The following ZNF423 variants were observed in gnomAD, a reference collection of about 807,000 sequenced individuals.
ZNF423 encodes the protein zinc finger protein 423, also known as Ebf-associated zinc finger protein.
A neutral mutation model predicts 95.8 loss-of-function variants in ZNF423; 12 were observed. That is an observed-to-expected ratio of 0.13 (90% CI 0.08 to 0.20). The LOEUF (loss-of-function observed/expected upper bound fraction) is 0.20. ZNF423 is among the 10% of genes least tolerant of loss of function. ZNF423 has a pLI of 1.00. For missense variants in ZNF423, 1,316 were observed against 1,737.1 expected (o/e 0.76, Z 4.31); for synonymous variants, 749 against 711.9 (o/e 1.05, Z -0.83).
rs1195898874 is a variant in ZNF423, at chr16:49,492,896, A to T, written c.3850-1592T>A. Among the ~76,000 whole-genome samples the T allele has an allele frequency of 6.6e-6, 1 of 152,114 alleles. No homozygotes were observed. The highest frequency in any genetic ancestry group is 1.5e-5 in the Non-Finnish European group (1 of 68,004). ...GAACCAGATGGCTGGAATCCACTAG[A>T]GCAAGGGGATTTTCAGGGGAGCCAG... On this transcript the variant is annotated intron_variant, in intron 7 of 7. Coordinates refer to ENST00000563137, the MANE Select transcript of ZNF423 (RefSeq NM_001379286.1). This position sits in a 1 kb window ranked among gnomAD's most constrained non-coding sequence, Gnocchi z 4.2.
chr16:49,798,139 G>A (rs904087072), intron 1 of ZNF423, among the ~76,000 whole-genome samples: 2 of 152,214 alleles, frequency 1.3e-5, no homozygotes, highest in Non-Finnish European at 2.9e-5. Flanking sequence ...GAGCCCAGGA[G>A]TTCGAGGCTG....
intron 1 of ZNF423, among the ~76,000 whole-genome samples, chr16:49,842,558 G>A (rs118187274): frequency 0.063 from 9,586 of 152,004 alleles, 379 homozygotes; most frequent in Middle Eastern, 0.14. Flanking sequence ...ACCAGCCTAG[G>A]CAACATAGCA....
At chr16:49,493,913 C>A (rs1967063247) in intron 7 of ZNF423, among the ~76,000 whole-genome samples, 2 of 152,188 alleles carry the variant, frequency 1.3e-5, no homozygotes, top group African/African-American at 4.8e-5. Context: ...TGAGTACCAA[C>A]AAACATGGAC....
intron 1 of ZNF423, among the ~76,000 whole-genome samples, chr16:49,817,523 C>G (rs535225686): frequency 6.6e-6 from 1 of 152,124 alleles, no homozygotes; most frequent in Non-Finnish European, 1.5e-5. Context: ...AGAGCAGCAA[C>G]AGGAACACAG....
intron 2 of ZNF423, among the ~76,000 whole-genome samples, chr16:49,771,298 G>A (rs868353232): frequency 1.4e-5 from 2 of 146,020 alleles, no homozygotes; most frequent in Non-Finnish European, 3.0e-5. Flanking sequence ...CACCTCTCAG[G>A]TTCAAGTAAT....
intron 2 of ZNF423, among the ~76,000 whole-genome samples, chr16:49,776,943 G>C (rs1009215576): frequency 6.6e-6 from 1 of 152,228 alleles, no homozygotes; most frequent in Admixed American, 6.5e-5. Context: ...TCATTTGCAT[G>C]CCTGGGTGTG....
At chr16:49,675,299 T>G (rs916427601) in intron 3 of ZNF423, among the ~76,000 whole-genome samples, 55 of 152,172 alleles carry the variant, frequency 3.6e-4, no homozygotes, top group African/African-American at 1.2e-3. Context: ...GCATGGCTCA[T>G]GGGTCTGAAG....
At chr16:49,838,419 T>G (rs1333916788) in intron 1 of ZNF423, among the ~76,000 whole-genome samples, 1 of 152,208 alleles carries the variant, frequency 6.6e-6, no homozygotes, top group Non-Finnish European at 1.5e-5. Flanking sequence ...CAACGAGTGT[T>G]AAGTGCTCAG....
At chr16:49,593,480 C>T (rs1380403196) in intron 5 of ZNF423, among the ~76,000 whole-genome samples, 1 of 150,844 alleles carries the variant, frequency 6.6e-6, no homozygotes, top group Non-Finnish European at 1.5e-5. Context: ...CACTCTTGTC[C>T]CTTAGAGGTC....
At chr16:49,502,982 C>A (rs367839736) in intron 7 of ZNF423, among the ~76,000 whole-genome samples, 1 of 150,912 alleles carries the variant, frequency 6.6e-6, no homozygotes, top group Non-Finnish European at 1.5e-5. Flanking sequence ...CACACACACA[C>A]GGATACCCCA....
chr16:49,811,802 C>A (rs977316738), intron 1 of ZNF423, among the ~76,000 whole-genome samples: 1 of 151,726 alleles, frequency 6.6e-6, no homozygotes, highest in Non-Finnish European at 1.5e-5. Flanking sequence ...CCCGCCTGAC[C>A]GCCCGCCTCA....
chr16:49,745,307 A>G (rs1328405399), intron 2 of ZNF423, among the ~76,000 whole-genome samples: 1 of 152,222 alleles, frequency 6.6e-6, no homozygotes, highest in Non-Finnish European at 1.5e-5. Context: ...TTATGTTACT[A>G]AAGTGCGAAA....
chr16:49,650,822 C>T (rs923025465), intron 3 of ZNF423, among the ~76,000 whole-genome samples: 1 of 152,208 alleles, frequency 6.6e-6, no homozygotes. Flanking sequence ...CAACCCAGGG[C>T]TCTTAGCCAG....
rs1286932799 is a variant in ZNF423 at position 49,489,737 on chromosome 16, A to C, written c.*1538T>G. 2 of 152,212 alleles carry C rather than the reference A, an allele frequency of 1.3e-5. No homozygotes were observed. Among genetic ancestry groups the C allele is most frequent in the East Asian group, 3.9e-4 (2 of 5,188 alleles). The allele number at this position is 152,212 out of a possible 1,614,324, so 9.4% of individuals were successfully genotyped here. On this transcript the variant is annotated 3_prime_UTR_variant, in exon 8 of 8. Transcript: ENST00000563137. ...CATTTCCGCTCTGCAGAGGGTAATA[A>C]CCAATTTCCTTGCCCCTTGTGAAAA...
intron 5 of ZNF423, among the ~76,000 whole-genome samples, chr16:49,599,085 A>C (rs750981568): frequency 6.6e-6 from 1 of 152,188 alleles, no homozygotes; most frequent in Non-Finnish European, 1.5e-5. Flanking sequence ...AACTGTACAC[A>C]TGTGTGTGCA....
At position 49,603,245 on chromosome 16, in the gene ZNF423, C is replaced by T. The variant is rs1330085518; in HGVS notation, c.3601+22925G>A. Reference sequence around the variant, plus strand: ...CCCCTAGAGTTGTGCAGTAGACAACCTGCACAACCATATCCTGCAGGCCTG... The same window carrying T: ...CCCCTAGAGTTGTGCAGTAGACAACTTGCACAACCATATCCTGCAGGCCTG... On this transcript the variant is annotated intron_variant, in intron 5 of 7. Transcript: ENST00000563137. The surrounding 1 kb of genome is among the most constrained non-coding windows in gnomAD (Gnocchi z 4.1). Among the ~76,000 whole-genome samples the T allele has an allele frequency of 6.6e-6, 1 of 152,158 alleles. No homozygotes were observed. The highest frequency in any genetic ancestry group is 1.5e-5 in the Non-Finnish European group (1 of 68,022).
intron 5 of ZNF423, among the ~76,000 whole-genome samples, chr16:49,585,430 C>G (rs1374278947): frequency 6.6e-6 from 1 of 152,186 alleles, no homozygotes; most frequent in African/African-American, 2.4e-5. Flanking sequence ...AGCCGCTGTA[C>G]AGCCAGCCAT....
intron 3 of ZNF423, among the ~76,000 whole-genome samples, chr16:49,654,846 A>C (rs1192049656): frequency 6.6e-6 from 1 of 152,248 alleles, no homozygotes; most frequent in East Asian, 1.9e-4. Context: ...GTCCACGCTT[A>C]GCATTTCCAG....
At chr16:49,776,231 T>C (rs1043031527) in intron 2 of ZNF423, among the ~76,000 whole-genome samples, 4 of 152,198 alleles carry the variant, frequency 2.6e-5, no homozygotes, top group Non-Finnish European at 5.9e-5. Flanking sequence ...CAAGCGGAGC[T>C]GGAGCAGCGG....
Sources: allele counts gnomAD v4.1 joint callset (sites outside exome capture counted in the v4.1 genomes callset), GRCh38; gene constraint gnomAD v4.1.1; non-coding constraint Gnocchi (gnomAD v3.1); transcripts MANE v1.5; gene names NCBI Gene and HGNC (gene_info 2026-07-23, HGNC 2026-07-21).